The following ZNF69 variants were observed in gnomAD, a reference collection of about 807,000 sequenced individuals.
ZNF69 encodes zinc finger protein 69.
ZNF69 carries 47 observed loss-of-function variants against 50.9 expected under a neutral mutation model. The observed-to-expected ratio is 0.92, with a 90% CI of 0.73 to 1.18. The LOEUF is 1.18. ZNF69 is among the 50% of genes most tolerant of loss of function. ZNF69 has a pLI of 0.00. For synonymous variants in ZNF69, 216 were observed against 223.1 expected, an observed-to-expected ratio of 0.97 and a Z score of 0.29; for missense variants, 717 against 675.1, an observed-to-expected ratio of 1.06 and a Z score of -0.69.
At chr19:11,888,535 G>A (rs780677527) in intron 1 of ZNF69, among the ~76,000 whole-genome samples, 1 of 152,138 alleles carries the variant, frequency 6.6e-6, no homozygotes. Flanking sequence ...TTGGCCGAGG[G>A]AAAAACAACC....
At chr19:11,959,479 C>T in the ZNF69 span, among the ~76,000 whole-genome samples, 4 of 152,134 alleles carry the variant, frequency 2.6e-5, no homozygotes, top group Non-Finnish European at 5.9e-5. Flanking sequence ...CTCTTTGTCA[C>T]AAAGCAGAAT....
the ZNF69 span, among the ~76,000 whole-genome samples, chr19:11,940,318 G>A: frequency 1.3e-5 from 2 of 152,296 alleles, no homozygotes; most frequent in African/African-American, 4.8e-5. Context: ...CAAAAATGAA[G>A]CCGTGGACCC....
At chr19:11,895,471 T>C (rs1161534520) in intron 1 of ZNF69, among the ~76,000 whole-genome samples, 1 of 152,190 alleles carries the variant, frequency 6.6e-6, no homozygotes, top group Non-Finnish European at 1.5e-5. Context: ...AAGCAGGCAC[T>C]AGTTCTGTGA....
the ZNF69 span, chr19:11,947,557 C>G: frequency 6.2e-7 from 1 of 1,613,428 alleles, no homozygotes; most frequent in Non-Finnish European, 8.5e-7. Context: ...AGTACCAAAA[C>G]CCCAGAAGAA....
chr19:11,975,278 T>A, the ZNF69 span, among the ~76,000 whole-genome samples: 27 of 151,980 alleles, frequency 1.8e-4, no homozygotes, highest in Non-Finnish European at 3.8e-4. Context: ...TCCATGTTGG[T>A]CAGGCTGGTC....
chr19:11,963,088 A>AGT, the ZNF69 span, among the ~76,000 whole-genome samples: 2,761 of 138,260 alleles, frequency 0.02, 53 homozygotes, highest in East Asian at 0.053. Flanking sequence ...AGAGAGAGAG[A>AGT]GTGTGTGTGT....
chr19:11,889,408 G>T (rs1016740963), intron 1 of ZNF69, among the ~76,000 whole-genome samples: 1 of 152,162 alleles, frequency 6.6e-6, no homozygotes, highest in Non-Finnish European at 1.5e-5. Context: ...AATTTTCAGG[G>T]TTTTTTGGGG....
chr19:11,922,413 C>T, the ZNF69 span, among the ~76,000 whole-genome samples: 1 of 152,174 alleles, frequency 6.6e-6, no homozygotes, highest in Non-Finnish European at 1.5e-5. Context: ...TGAGCCAGTG[C>T]GTACCTAAAA....
At chr19:11,949,660 A>G in the ZNF69 span, 4 of 1,613,730 alleles carry the variant, frequency 2.5e-6, no homozygotes, top group Non-Finnish European at 3.4e-6. Context: ...TAAAGCCTTC[A>G]GATGTTGCAA....
At chr19:11,946,219 G>A in the ZNF69 span, among the ~76,000 whole-genome samples, 8 of 151,954 alleles carry the variant, frequency 5.3e-5, no homozygotes, top group Non-Finnish European at 7.4e-5. Flanking sequence ...GTCTTAGATC[G>A]TAAATGAGCT....
chr19:11,966,266 C>T, the ZNF69 span, among the ~76,000 whole-genome samples: 19,121 of 152,086 alleles, frequency 0.13, 2,209 homozygotes, highest in African/African-American at 0.31. Flanking sequence ...ATAAGGAGAC[C>T]TGTCTCACCT....
At chr19:11,977,077 C>A in the ZNF69 span, 1 of 1,614,144 alleles carries the variant, frequency 6.2e-7, no homozygotes, top group Non-Finnish European at 8.5e-7. Context: ...GAACTTCACC[C>A]AGGAGGAGTG....
At chr19:11,912,434 A>C (rs979764395) in intron 4 of ZNF69, among the ~76,000 whole-genome samples, 1 of 152,168 alleles carries the variant, frequency 6.6e-6, no homozygotes, top group Non-Finnish European at 1.5e-5. Flanking sequence ...AGACATTGGA[A>C]GGAAACCCTA....
the ZNF69 span, chr19:11,976,825 G>C: frequency 5.1e-6 from 7 of 1,377,092 alleles, no homozygotes; most frequent in Admixed American, 6.3e-5. Flanking sequence ...TTATACTCCA[G>C]CCTGGGCAAC....
At chr19:11,941,032 TCTC>T in the ZNF69 span, among the ~76,000 whole-genome samples, 1 of 151,986 alleles carries the variant, frequency 6.6e-6, no homozygotes, top group African/African-American at 2.4e-5. Context: ...ACATAAAGGT[TCTC>T]CAAGGCCTCA....
In ZNF69 at chr19:11,905,614, A is replaced by G. The variant is rs779299610; in HGVS notation, c.1217A>G (p.His406Arg). 4 of 1,614,070 alleles carry G rather than the reference A, an allele frequency of 2.5e-6. No homozygotes were observed. The highest frequency in any genetic ancestry group is 3.4e-6 in the Non-Finnish European group (4 of 1,179,992). The change falls in exon 4 of 4, where the codon CAT (histidine) becomes CGT (arginine). Residue 406 changes from histidine (H) to arginine (R), a missense_variant. Physicochemically the swap from His to Arg is conservative, Grantham distance 29. Transcript: ENST00000429654. The part of the protein sequence containing the change: ...AFIHSSSLRY[H>R]ERIHTGEKPY... Reference sequence around the variant, plus strand: ...ATTCATTCCAGTTCCCTTCGTTATCATGAAAGGATTCACACTGGAGAGAAA... The same window carrying G: ...ATTCATTCCAGTTCCCTTCGTTATCGTGAAAGGATTCACACTGGAGAGAAA...
At position 11,906,593 on chromosome 19, in the gene ZNF69, A is replaced by G. The variant is rs938159761; in HGVS notation, c.*495A>G. On this transcript the variant is annotated 3_prime_UTR_variant, in exon 4 of 4. Transcript: ENST00000429654. ...TGGAGTGGACCTCAAGCAAAATCCAACAGACCTCAGCTGAGGGTCCTGACT... is the reference window on the plus strand; with the variant it reads ...TGGAGTGGACCTCAAGCAAAATCCAGCAGACCTCAGCTGAGGGTCCTGACT... Among the ~76,000 whole-genome samples the G allele has an allele frequency of 1.3e-5, 2 of 152,222 alleles. No individual in the cohort carries two copies. Among genetic ancestry groups the G allele is most frequent in the African/African-American group, 4.8e-5 (2 of 41,464 alleles).
chr19:11,978,447 A>G, the ZNF69 span: 6 of 1,614,096 alleles, frequency 3.7e-6, no homozygotes, highest in Admixed American at 3.3e-5. Flanking sequence ...CTATGCTTGT[A>G]AAGAATGTGG....
At chr19:11,962,091 G>C in the ZNF69 span, among the ~76,000 whole-genome samples, 1 of 152,144 alleles carries the variant, frequency 6.6e-6, no homozygotes, top group Non-Finnish European at 1.5e-5. Context: ...CTGGGATTAA[G>C]GCGTAAGAAA....
Sources: allele counts gnomAD v4.1 joint callset (sites outside exome capture counted in the v4.1 genomes callset), GRCh38; gene constraint gnomAD v4.1.1; transcripts MANE v1.5; gene names NCBI Gene and HGNC (gene_info 2026-07-23, HGNC 2026-07-21).